The following RAVER2 variants were observed in gnomAD, a reference collection of about 807,000 sequenced individuals.
The protein encoded by RAVER2 is ribonucleoprotein PTB-binding 2.
A neutral mutation model predicts 78.1 loss-of-function variants in RAVER2; 46 were observed. The observed-to-expected ratio is 0.59, with a 90% CI of 0.46 to 0.75. The LOEUF (loss-of-function observed/expected upper bound fraction) is 0.75. RAVER2 is among the 30% of genes least tolerant of loss of function. The pLI is 0.00. For missense variants in RAVER2, 793 were observed against 837.5 expected (o/e 0.95, Z 0.66); for synonymous variants, 311 against 313.3 (o/e 0.99, Z 0.08).
rs1417251888 is a variant in RAVER2 at position 64,764,211 on chromosome 1, A to G, written c.250-4445A>G. On this transcript the variant is annotated intron_variant, in intron 1 of 11. Coordinates refer to ENST00000294428, the Ensembl canonical transcript of RAVER2. ...GCACAGAATAGGCAAAATGTCCAAT[A>G]GAACCAGAAGCAAGAGACAAAAATA... 2.0e-5 allele frequency among the ~76,000 whole-genome samples: 3 copies of G among 152,354 alleles called. No individual in the cohort carries two copies. The South Asian group carries it at 6.2e-4, about 32-fold the overall frequency.
chr1:64,777,516 G>T, intron 2 of RAVER2, 107 bp from the exon 3 acceptor site: 1 of 899,994 alleles, frequency 1.1e-6, no homozygotes. Flanking sequence ...TTTTGTTTCA[G>T]AAAAAAGGTG....
chr1:64,814,660 A>G, intron 10 of RAVER2, 44 bp from the exon 11 acceptor site: 1 of 1,132,772 alleles, frequency 8.8e-7, no homozygotes, highest in Non-Finnish European at 1.1e-6. Context: ...TAAATTTATA[A>G]TAAAATAACC....
Position 64,756,412 on chromosome 1 carries a change from G to C in RAVER2, c.249+10991G>C, listed in dbSNP as rs138987841. 1.4e-3 allele frequency among the ~76,000 whole-genome samples: 219 copies of C among 152,166 alleles called. 1 individual carries two copies. Among genetic ancestry groups the C allele is most frequent in the African/African-American group, 5.2e-3 (214 of 41,504 alleles). ...ATATAGGCTCATGGTTTCCTATTTA[G>C]TTCAATGGGTTATGCTGCATTCCTA... On this transcript the variant is annotated intron_variant, in intron 1 of 11. Transcript: ENST00000294428.
chr1:64,752,714 C>T (rs756860762), intron 1 of RAVER2, among the ~76,000 whole-genome samples: 12 of 152,140 alleles, frequency 7.9e-5, no homozygotes, highest in Non-Finnish European at 1.5e-4. Flanking sequence ...TGGTTAAAGA[C>T]GGGCAATAAC....
intron 11 of RAVER2, among the ~76,000 whole-genome samples, chr1:64,824,870 T>G (rs1653969590): frequency 6.9e-6 from 1 of 145,006 alleles, no homozygotes; most frequent in Admixed American, 7.0e-5. Flanking sequence ...GGCAGAGGCT[T>G]TAGTGAGCCG....
Position 64,745,375 on chromosome 1 carries a change from G to A in RAVER2, c.203G>A (p.Arg68His), listed in dbSNP as rs1276548404. Residue 68 changes from arginine to histidine, a missense_variant, in exon 1 of 12, where the codon CGC becomes CAC. Coordinates refer to ENST00000294428, the Ensembl canonical transcript of RAVER2. The surrounding 1 kb of genome is among the most constrained non-coding windows in gnomAD (Gnocchi z 4.3). ...CGGATGCAGCGGGAGCTGAGCAACC[G>A]CAGGAAAATCCTGGTGAAAAACCTG... The A allele has an allele frequency of 1.3e-6, 2 of 1,543,236 alleles. No homozygotes were observed. The highest frequency in any genetic ancestry group is 1.2e-5 in the South Asian group (1 of 83,944).
At chr1:64,816,078 G>A (rs1653749575) in intron 11 of RAVER2, 1 of 152,080 alleles carries the variant, frequency 6.6e-6, no homozygotes, top group African/African-American at 2.4e-5. Flanking sequence ...TTATAAACAG[G>A]AGAAGCACAA....
intron 3 of RAVER2, among the ~76,000 whole-genome samples, chr1:64,780,557 A>T (rs766945905): frequency 2.6e-5 from 4 of 152,218 alleles, no homozygotes; most frequent in Non-Finnish European, 5.9e-5. Flanking sequence ...AAATAGAAGT[A>T]TTGGAAATGT....
exon 3 of RAVER2, chr1:64,778,010 T>C (rs976351739): frequency 1.9e-5 from 30 of 1,614,010 alleles, no homozygotes; most frequent in African/African-American, 2.7e-5. Flanking sequence ...TGCCTTTGTA[T>C]TGATAAACTC....
chr1:64,774,055 T>C (rs189493380), intron 2 of RAVER2, among the ~76,000 whole-genome samples: 50 of 152,324 alleles, frequency 3.3e-4, no homozygotes, highest in African/African-American at 1.2e-3. Flanking sequence ...TTGTTTGAGT[T>C]TTTTGTAGAT....
At chr1:64,792,602 G>A (rs72918084) in intron 5 of RAVER2, among the ~76,000 whole-genome samples, 3,334 of 152,192 alleles carry the variant, frequency 0.022, 150 homozygotes, top group African/African-American at 0.077. Context: ...TTTATACTTA[G>A]TGCTTTCTCA....
chr1:64,746,437 G>T (rs1651540153), intron 1 of RAVER2, among the ~76,000 whole-genome samples: 1 of 152,196 alleles, frequency 6.6e-6, no homozygotes, highest in Non-Finnish European at 1.5e-5. Context: ...GTGGTGGGCT[G>T]TCCTGGTAGT....
At chr1:64,826,373 T>G (rs1271921029) in intron 11 of RAVER2, among the ~76,000 whole-genome samples, 1 of 152,214 alleles carries the variant, frequency 6.6e-6, no homozygotes, top group Non-Finnish European at 1.5e-5. Flanking sequence ...TAAAACTGAT[T>G]CTTGGGCAAA....
At chr1:64,822,351 A>C (rs906648992) in intron 11 of RAVER2, among the ~76,000 whole-genome samples, 1 of 152,234 alleles carries the variant, frequency 6.6e-6, no homozygotes, top group African/African-American at 2.4e-5. Flanking sequence ...AGAGAGAGAA[A>C]TTATTTTTAA....
chr1:64,829,734 G>A (rs1407759849), intron 11 of RAVER2, among the ~76,000 whole-genome samples: 2 of 152,084 alleles, frequency 1.3e-5, no homozygotes, highest in South Asian at 2.1e-4. Context: ...AAAAAATGTC[G>A]AGGCAGAAAT....
At chr1:64,814,525 A>G (rs139109861) in intron 10 of RAVER2, among the ~76,000 whole-genome samples, 179 bp from the exon 11 acceptor site, 5 of 152,214 alleles carry the variant, frequency 3.3e-5, no homozygotes, top group Non-Finnish European at 7.4e-5. Flanking sequence ...TTATTTAGTT[A>G]TATATTGGCA....
At chr1:64,812,136 G>A (rs182766436) in intron 9 of RAVER2, among the ~76,000 whole-genome samples, 2 of 151,974 alleles carry the variant, frequency 1.3e-5, no homozygotes, top group Admixed American at 1.3e-4. Context: ...CAAGGCGGGG[G>A]CATCACGAAG....
At chr1:64,826,898 A>G (rs1570587877) in intron 11 of RAVER2, among the ~76,000 whole-genome samples, 1 of 152,248 alleles carries the variant, frequency 6.6e-6, no homozygotes, top group East Asian at 1.9e-4. Context: ...CCAAGTCCCC[A>G]AGAGTTTTGG....
At chr1:64,751,195 A>T (rs1016599753) in intron 1 of RAVER2, among the ~76,000 whole-genome samples, 1 of 152,256 alleles carries the variant, frequency 6.6e-6, no homozygotes, top group Non-Finnish European at 1.5e-5. Context: ...ATGTTTTCAC[A>T]TAGAAAGAAT....
Sources: allele counts gnomAD v4.1 joint callset (sites outside exome capture counted in the v4.1 genomes callset), GRCh38; gene constraint gnomAD v4.1.1; non-coding constraint Gnocchi (gnomAD v3.1); transcripts MANE v1.5; gene names NCBI Gene and HGNC (gene_info 2026-07-23, HGNC 2026-07-21).